ABCA3: variants seen among roughly 807,000 people sequenced by gnomAD.
ABCA3 encodes ATP binding cassette subfamily A member 3.
In ABCA3, 88 loss-of-function variants were observed where a neutral mutation model predicts 172.8. The ratio of observed to expected loss-of-function variants is 0.51; its 90% CI spans 0.43 to 0.61. The LOEUF is 0.61. ABCA3 is among the 20% of genes least tolerant of loss of function. The probability of loss-of-function intolerance (pLI) is 0.00; values close to 1 mark genes in which losing one functional copy is unlikely to be tolerated. For synonymous variants in ABCA3, 1,066 were observed against 983.8 expected (o/e 1.08, Z -1.56); for missense variants, 2,164 against 2,301.0 (o/e 0.94, Z 1.22).
At chr16:2,326,942 C>T (rs1424174651) in intron 3 of ABCA3, among the ~76,000 whole-genome samples, 2 of 152,050 alleles carry the variant, frequency 1.3e-5, no homozygotes, top group Non-Finnish European at 2.9e-5. Flanking sequence ...GAGCCAAGAT[C>T]GTGCCACTGC....
At chr16:2,308,706 C>T (rs2093701883) in intron 10 of ABCA3, 83 bp from the exon 11 acceptor site, 4 of 1,551,940 alleles carry the variant, frequency 2.6e-6, no homozygotes, top group Non-Finnish European at 3.5e-6. Flanking sequence ...AGGCAACCCC[C>T]TACTCCTGGG....
At chr16:2,323,433 A>C (rs1213662585) in intron 7 of ABCA3, 90 bp downstream of exon 7, 1 of 1,538,414 alleles carries the variant, frequency 6.5e-7, no homozygotes, top group Non-Finnish European at 9.0e-7. Flanking sequence ...TTTCTTCAAG[A>C]AATACTTTTG....
At position 2,299,476 on chromosome 16, in the gene ABCA3, C is replaced by T. The variant is rs763974331; in HGVS notation, c.1668G>A (p.Leu556=). 6.2e-7 allele frequency: 1 copy of T among 1,613,926 alleles called. No homozygotes were observed. Among genetic ancestry groups the T allele is most frequent in the East Asian group, 2.2e-5 (1 of 44,866 alleles). The change falls in exon 14 of 33, where the codon CTG becomes CTA. Residue 556 remains leucine (L), a synonymous_variant. Transcript: ENST00000301732. ...RAAVRDLNLN[L]YEGQITVLLG... is the part of the protein sequence containing the mutation. Reference sequence around the variant, plus strand: ...GCAGGACGGTGATCTGTCCCTCGTACAGGTTGAGGTTCAGGTCTCTGACGG... The same window carrying T: ...GCAGGACGGTGATCTGTCCCTCGTATAGGTTGAGGTTCAGGTCTCTGACGG...
chr16:2,299,950 G>A, intron 13 of ABCA3, 55 bp downstream of exon 13: 1 of 1,606,544 alleles, frequency 6.2e-7, no homozygotes, highest in Non-Finnish European at 8.5e-7. Context: ...GTGCTGGTAA[G>A]TCTTCCCATG....
intron 3 of ABCA3, among the ~76,000 whole-genome samples, chr16:2,328,063 AAAAATAATCTATCCTAT>A (rs1282633652): frequency 6.6e-6 from 1 of 152,162 alleles, no homozygotes; most frequent in Non-Finnish European, 1.5e-5. Flanking sequence ...AATTCATCCA[AAAAATAATCTATCCTAT>A]ATTATATAGG....
At chr16:2,329,083 A>C (rs556741433) in intron 2 of ABCA3, among the ~76,000 whole-genome samples, 25 of 152,118 alleles carry the variant, frequency 1.6e-4, no homozygotes, top group Non-Finnish European at 3.4e-4. Context: ...TATTTACATG[A>C]AATACAACTG....
chr16:2,323,823 A>C, intron 6 of ABCA3, 135 bp from the exon 7 acceptor site: 1 of 1,042,066 alleles, frequency 9.6e-7, no homozygotes, highest in South Asian at 1.3e-5. Context: ...AGTATCTCCA[A>C]CAGGCCCCGG....
chr16:2,304,424 T>C (rs544860166), intron 11 of ABCA3, among the ~76,000 whole-genome samples: 23 of 152,162 alleles, frequency 1.5e-4, no homozygotes, highest in Non-Finnish European at 2.9e-4. Context: ...TATGCACATA[T>C]GTACACACGT....
At chr16:2,317,175 C>T in intron 10 of ABCA3, 108 bp downstream of exon 10, 1 of 1,523,224 alleles carries the variant, frequency 6.6e-7, no homozygotes, top group Non-Finnish European at 9.0e-7. Flanking sequence ...CCTCCCTGGG[C>T]AGCTCCACCA....
In ABCA3 at chr16:2,283,182, T is replaced by G. The variant is rs781232584; in HGVS notation, c.4035+4A>C. ...CAGTGTCCTGGGCTCCCGGAGCCAC[T>G]CACCAGTGTCCGCCTCCTCCGGAGG... On this transcript the variant is annotated splice_donor_region_variant and intron_variant, in intron 26 of 32. Coordinates refer to ENST00000301732, the MANE Select transcript of ABCA3 (RefSeq NM_001089.3). The surrounding 1 kb of genome is among the most constrained non-coding windows in gnomAD (Gnocchi z 5.4). 21 of 1,612,660 alleles carry G rather than the reference T, an allele frequency of 1.3e-5. No homozygotes were observed. The highest frequency in any genetic ancestry group is 1.8e-5 in the Non-Finnish European group (21 of 1,179,794).
chr16:2,283,146 G>C lies in ABCA3; in HGVS notation c.4035+40C>G, dbSNP rs1379185267. ...TGCTGGGCCCAAGCAGAGACGTGGG[G>C]AGCATCTCGCCAGTGTCCTGGGCTC... On this transcript the variant is annotated intron_variant, in intron 26 of 32. Transcript: ENST00000301732. The surrounding 1 kb of genome is among the most constrained non-coding windows in gnomAD (Gnocchi z 5.4). 1.3e-6 allele frequency: 2 copies of C among 1,599,094 alleles called. No homozygotes were observed.
Position 2,297,428 on chromosome 16 carries a change from A to G in ABCA3, c.2164T>C (p.Phe722Leu), listed in dbSNP as rs1248371146. The change falls in exon 17 of 33, where the codon TTC becomes CTC. Residue 722 changes from phenylalanine (F) to leucine (L), a missense_variant. By Grantham distance (22) the Phe-to-Leu change is conservative. Around this residue, in one of 3 missense-constraint regions of ABCA3, gnomAD observed 1,343 missense variants for 1,369.6 expected, o/e 0.98. Coordinates refer to ENST00000301732, the MANE Select transcript of ABCA3 (RefSeq NM_001089.3). This position sits in a 1 kb window ranked among gnomAD's most constrained non-coding sequence, Gnocchi z 5.6. The part of the protein sequence containing the change: ...SDRTIVLTTH[F>L]MDEADLLGDR... ...CCCAGCAGGTCAGCCTCGTCCATGAAGTGGGTGGTCAGCACGATGGTGCGG... is the reference window on the plus strand; with the variant it reads ...CCCAGCAGGTCAGCCTCGTCCATGAGGTGGGTGGTCAGCACGATGGTGCGG... The G allele has an allele frequency of 6.2e-7, 1 of 1,613,750 alleles. No homozygotes were observed. Among genetic ancestry groups the G allele is most frequent in the Non-Finnish European group, 8.5e-7 (1 of 1,179,988 alleles).
chr16:2,299,957 C>T (rs753007584), intron 13 of ABCA3, 48 bp downstream of exon 13: 1 of 1,608,242 alleles, frequency 6.2e-7, no homozygotes, highest in Non-Finnish European at 8.5e-7. Context: ...TAAGTCTTCC[C>T]ATGGTCCTGG....
chr16:2,306,931 C>A (rs1371431813), intron 11 of ABCA3, among the ~76,000 whole-genome samples: 1 of 146,746 alleles, frequency 6.8e-6, no homozygotes, highest in Non-Finnish European at 1.5e-5. Context: ...AGGAAAATGG[C>A]ATGAACCCGG....
In ABCA3 at chr16:2,286,582, G is replaced by A; in HGVS notation, c.3278+112C>T. 1 of 1,423,790 alleles carries A rather than the reference G, an allele frequency of 7.0e-7. No homozygotes were observed. 88.2% of individuals were successfully genotyped at this position (1,423,790 alleles called of 1,614,324 possible). The stretch of plus-strand genomic sequence containing the variant: ...TGGCAGGGGTTTCCCACCAGACCCA[G>A]GGGCTTTGGGAGGGCAGACACAATG... On this transcript the variant is annotated intron_variant, in intron 22 of 32. Coordinates refer to ENST00000301732, the MANE Select transcript of ABCA3 (RefSeq NM_001089.3). This position sits in a 1 kb window ranked among gnomAD's most constrained non-coding sequence, Gnocchi z 5.2.
Position 2,286,475 on chromosome 16 carries a change from C to T in ABCA3, c.3278+219G>A, listed in dbSNP as rs559382544. Among the ~76,000 whole-genome samples the T allele has an allele frequency of 1.6e-3, 247 of 152,314 alleles. 1 individual carries two copies. Among genetic ancestry groups the T allele is most frequent in the African/African-American group, 5.6e-3 (232 of 41,564 alleles). On this transcript the variant is annotated intron_variant, in intron 22 of 32. Transcript: ENST00000301732. This position sits in a 1 kb window ranked among gnomAD's most constrained non-coding sequence, Gnocchi z 5.2. ...TGCCTGCCGAGCCTTCATGGGTCCC[C>T]GTGAGGACCGCAGTGCATGGGATGG...
Position 2,283,800 on chromosome 16 carries a change from G to C in ABCA3, c.3863-442C>G, listed in dbSNP as rs1189282127. The C allele has an allele frequency of 4.0e-6, 1 of 248,018 alleles. No individual in the cohort carries two copies. Among genetic ancestry groups the C allele is most frequent in the African/African-American group, 2.2e-5 (1 of 44,764 alleles). The allele number at this position is 248,018 out of a possible 1,614,324, so 15.4% of individuals were successfully genotyped here. On this transcript the variant is annotated intron_variant, in intron 25 of 32. Transcript: ENST00000301732. The surrounding 1 kb of genome is among the most constrained non-coding windows in gnomAD (Gnocchi z 5.4). The stretch of plus-strand genomic sequence containing the variant: ...AATATGTGATTAGTAAGGATCTTAA[G>C]GTGAGACACTGGATTAGTGTGGGCC...
At position 2,283,614 on chromosome 16, in the gene ABCA3, G is replaced by A; in HGVS notation, c.3863-256C>T. The A allele has an allele frequency of 2.0e-6, 1 of 501,110 alleles. No individual in the cohort carries two copies. The highest frequency in any genetic ancestry group is 3.6e-6 in the Non-Finnish European group (1 of 274,144). 31.0% of individuals were successfully genotyped at this position (501,110 alleles called of 1,614,324 possible). On this transcript the variant is annotated intron_variant, in intron 25 of 32. Coordinates refer to ENST00000301732, the MANE Select transcript of ABCA3 (RefSeq NM_001089.3). This position sits in a 1 kb window ranked among gnomAD's most constrained non-coding sequence, Gnocchi z 5.4. ...CAGGGCAGCAACAGCCCGCCTGAGA[G>A]GCACAGGCTCTGCGTGAATCCTGGG...
In ABCA3 at chr16:2,289,491, G is replaced by A. The variant is rs770174583; in HGVS notation, c.2643C>T (p.Ser881=). The change falls in exon 20 of 33, where the codon TCC becomes TCT. Residue 881 remains serine (S), a synonymous_variant. Coordinates refer to ENST00000301732, the MANE Select transcript of ABCA3 (RefSeq NM_001089.3). ...DSNLCGAMDP[S]DGIGALIEEE... is the part of the protein sequence containing the mutation. Reference sequence around the variant, plus strand: ...CCTCGATGAGGGCTCCAATGCCGTCGGAGGGGTCCATGGCCCCACAGAGGT... The same window carrying A: ...CCTCGATGAGGGCTCCAATGCCGTCAGAGGGGTCCATGGCCCCACAGAGGT... 3.3e-5 allele frequency: 52 copies of A among 1,593,462 alleles called. No individual in the cohort carries two copies. The highest frequency in any genetic ancestry group is 3.0e-4 in the South Asian group (26 of 87,530).
Sources: allele counts gnomAD v4.1 joint callset (sites outside exome capture counted in the v4.1 genomes callset), GRCh38; gene constraint gnomAD v4.1.1; regional missense constraint gnomAD v4.1.1; non-coding constraint Gnocchi (gnomAD v3.1); transcripts MANE v1.5; gene names NCBI Gene and HGNC (gene_info 2026-07-23, HGNC 2026-07-21).